The following LSM4 variants were observed in gnomAD, a reference collection of about 807,000 sequenced individuals.
LSM4 encodes the protein LSM4 homolog, U6 small nuclear RNA and mRNA degradation associated.
A neutral mutation model predicts 22.3 loss-of-function variants in LSM4; 15 were observed. The observed-to-expected ratio is 0.67, with a 90% CI of 0.45 to 1.03. The LOEUF (loss-of-function observed/expected upper bound fraction) is 1.03, where lower values mean the gene tolerates loss of function less well. Ranked by LOEUF, LSM4 falls within the 50% of genes least tolerant of loss-of-function variation. The pLI is 0.00. For missense variants in LSM4, 127 were observed against 198.0 expected, an observed-to-expected ratio of 0.64 and a Z score of 2.15; for synonymous variants, 90 against 79.8, an observed-to-expected ratio of 1.13 and a Z score of -0.68.
At chr19:18,318,427 GC>G (rs978017694) in intron 1 of LSM4, among the ~76,000 whole-genome samples, 1 of 152,236 alleles carries the variant, frequency 6.6e-6, no homozygotes, top group Non-Finnish European at 1.5e-5. Flanking sequence ...GGGCCATGTG[GC>G]CCCGGGGCAG....
rs899282536 is a variant in LSM4 at position 18,312,409 on chromosome 19, G to T, written c.144+195C>A. On this transcript the variant is annotated intron_variant, in intron 3 of 4. Coordinates refer to ENST00000593829, the MANE Select transcript of LSM4 (RefSeq NM_012321.5). ...ACACAGCAGGAAAGTCTCCCACAGG[G>T]TCAAAGTCCAGGGCACACTGGGAGA... 5 of 545,482 alleles carry T rather than the reference G, an allele frequency of 9.2e-6. No individual in the cohort carries two copies. In the African/African-American group the frequency reaches 9.7e-5, roughly 11 times the overall value. 33.8% of individuals were successfully genotyped at this position (545,482 alleles called of 1,614,324 possible).
chr19:18,315,906 G>A, intron 2 of LSM4, 118 bp downstream of exon 2: 2 of 849,930 alleles, frequency 2.4e-6, no homozygotes, highest in South Asian at 3.0e-5. Context: ...GGAGGGAGAA[G>A]AGAGCAAACT....
chr19:18,319,377 T>C lies in LSM4; in HGVS notation c.4-3312A>G, dbSNP rs1485726006. Among the ~76,000 whole-genome samples, 3 of 151,814 alleles carry C rather than the reference T, an allele frequency of 2.0e-5. No homozygotes were observed. The East Asian group carries it at 5.8e-4, about 29-fold the overall frequency. ...AGGAGTTCGAGACCAGCCTGGCCAA[T>C]ATGGTGAAACCCCATCTCTACTAAA... On this transcript the variant is annotated intron_variant, in intron 1 of 4. Coordinates refer to ENST00000593829, the MANE Select transcript of LSM4 (RefSeq NM_012321.5).
chr19:18,319,752 C>T (rs565919947), intron 1 of LSM4, among the ~76,000 whole-genome samples: 289 of 152,306 alleles, frequency 1.9e-3, no homozygotes, highest in Non-Finnish European at 3.4e-3. Flanking sequence ...GCTGCTGAAA[C>T]GTCACCTCCT....
chr19:18,321,167 G>A (rs573444666), intron 1 of LSM4, among the ~76,000 whole-genome samples: 4 of 151,788 alleles, frequency 2.6e-5, no homozygotes, highest in African/African-American at 7.3e-5. Flanking sequence ...GGAAGGGGCT[G>A]AATGAATGAG....
intron 1 of LSM4, 44 bp from the exon 2 acceptor site, chr19:18,316,109 G>C (rs746681277): frequency 6.2e-7 from 1 of 1,602,284 alleles, no homozygotes; most frequent in East Asian, 2.2e-5. Context: ...TTTGACCAGC[G>C]CCTGGGAGCT....
rs1970230295 is a variant in LSM4, at chr19:18,306,925, A to G, written c.*539T>C. Reference sequence around the variant, plus strand: ...CAGTGGATGTGCAGTGTGTAGTTTTATTTGTTTTTATTTCCATAACACAAG... The same window carrying G: ...CAGTGGATGTGCAGTGTGTAGTTTTGTTTGTTTTTATTTCCATAACACAAG... On this transcript the variant is annotated 3_prime_UTR_variant, in exon 5 of 5. Transcript: ENST00000593829. 1 of 152,396 alleles carries G rather than the reference A, an allele frequency of 6.6e-6. No individual in the cohort carries two copies. The highest frequency in any genetic ancestry group is 2.4e-5 in the African/African-American group (1 of 41,458). 9.4% of individuals were successfully genotyped at this position (152,396 alleles called of 1,614,324 possible). A position where few individuals can be genotyped will look rare whatever the true frequency, so the allele number is the denominator to read the frequency against.
intron 3 of LSM4, 70 bp downstream of exon 3, chr19:18,312,534 C>A (rs764775674): frequency 2.3e-6 from 3 of 1,319,188 alleles, no homozygotes; most frequent in Non-Finnish European, 3.3e-6. Context: ...CCATGAGGCC[C>A]AGGGAGGGAG....
At chr19:18,322,896 G>T in intron 1 of LSM4, 122 bp downstream of exon 1, 1 of 1,387,138 alleles carries the variant, frequency 7.2e-7, no homozygotes, top group Non-Finnish European at 9.9e-7. Context: ...CGGGGGGCGG[G>T]ACTCGAGGCT....
At chr19:18,322,706 C>T (rs574149777) in intron 1 of LSM4, among the ~76,000 whole-genome samples, 1 of 152,186 alleles carries the variant, frequency 6.6e-6, no homozygotes, top group South Asian at 2.1e-4. Context: ...AAACTCTCTG[C>T]TGCATTTGGC....
chr19:18,308,489 G>C (rs1970258491), intron 4 of LSM4, among the ~76,000 whole-genome samples: 1 of 152,252 alleles, frequency 6.6e-6, no homozygotes, highest in East Asian at 1.9e-4. Context: ...GAGAGCCAAG[G>C]CCAGCAAGAG....
intron 1 of LSM4, among the ~76,000 whole-genome samples, 170 bp downstream of exon 1, chr19:18,322,848 C>T (rs1970439628): frequency 6.6e-6 from 1 of 152,186 alleles, no homozygotes; most frequent in African/African-American, 2.4e-5. Flanking sequence ...GTGATAGAGC[C>T]ACCTGCAGTC....
chr19:18,316,886 G>GGGTCAA, intron 1 of LSM4, among the ~76,000 whole-genome samples: 1 of 152,246 alleles, frequency 6.6e-6, no homozygotes, highest in Admixed American at 6.5e-5. Context: ...CCCAATGCAG[G>GGGTCAA]GGTCAATCCC....
intron 3 of LSM4, among the ~76,000 whole-genome samples, chr19:18,311,573 C>A (rs569997781): frequency 6.6e-6 from 1 of 152,302 alleles, no homozygotes; most frequent in African/African-American, 2.4e-5. Context: ...ATTCCAATAC[C>A]GGAAGTGGAC....
intron 1 of LSM4, among the ~76,000 whole-genome samples, chr19:18,317,904 GA>G (rs1012900386): frequency 2.6e-5 from 4 of 152,234 alleles, no homozygotes; most frequent in African/African-American, 9.6e-5. Flanking sequence ...TACTGGGGGG[GA>G]AATCAACACT....
At chr19:18,309,350 TG>T in intron 4 of LSM4, 1 of 358,168 alleles carries the variant, frequency 2.8e-6, no homozygotes, top group East Asian at 4.8e-5. Flanking sequence ...ACCTTGGCTC[TG>T]GATAGAGCCA....
At chr19:18,317,796 G>A (rs1219064642) in intron 1 of LSM4, among the ~76,000 whole-genome samples, 1 of 152,076 alleles carries the variant, frequency 6.6e-6, no homozygotes, top group Admixed American at 6.6e-5. Flanking sequence ...CTCCCAAGTA[G>A]CTGGAATTAT....
Position 18,309,368 on chromosome 19 carries a change from G to C in LSM4, c.328+310C>G, listed in dbSNP as rs990595375. ...TTGGCTCTGGATAGAGCCACGCCAG[G>C]TTCCAAGTGGAGTTGCCAGCGGCCT... On this transcript the variant is annotated intron_variant, in intron 4 of 4. Coordinates refer to ENST00000593829, the MANE Select transcript of LSM4 (RefSeq NM_012321.5). 3 of 408,106 alleles carry C rather than the reference G, an allele frequency of 7.4e-6. No homozygotes were observed. The East Asian group carries it at 1.3e-4, about 17-fold the overall frequency. The allele number at this position is 408,106 out of a possible 1,614,324, so 25.3% of individuals were successfully genotyped here.
chr19:18,311,478 G>C lies in LSM4; in HGVS notation c.144+1126C>G, dbSNP rs952391164. 2.3e-4 allele frequency among the ~76,000 whole-genome samples: 35 copies of C among 152,198 alleles called. 1 individual carries two copies. Among genetic ancestry groups the C allele is most frequent in the African/African-American group, 7.5e-4 (31 of 41,450 alleles). On this transcript the variant is annotated intron_variant, in intron 3 of 4. Transcript: ENST00000593829. ...CAAACCAACCCCTGGAGACCACGCA[G>C]CCTCTGAATCAACAGGCTTCTCATG... is the stretch of plus-strand genomic sequence containing the variant.
Sources: gnomAD v4.1 joint callset for allele counts (sites outside exome capture counted in the v4.1 genomes callset) on GRCh38, gnomAD v4.1.1 for gene constraint, MANE v1.5 for transcripts, NCBI Gene and HGNC (gene_info 2026-07-23, HGNC 2026-07-21) for gene names.